The following TRHDE variants were observed in gnomAD, a reference collection of about 807,000 sequenced individuals.
The protein encoded by TRHDE is thyrotropin releasing hormone degrading enzyme, also known as thyrotropin-releasing hormone-degrading ectoenzyme.
A neutral mutation model predicts 125.7 loss-of-function variants in TRHDE; 72 were observed. The observed-to-expected ratio is 0.57, with a 90% CI of 0.47 to 0.70. The LOEUF (loss-of-function observed/expected upper bound fraction) is 0.70. TRHDE is among the 30% of genes least tolerant of loss of function. The probability of loss-of-function intolerance (pLI) is 0.00; values close to 1 mark genes in which losing one functional copy is unlikely to be tolerated. For synonymous variants in TRHDE, 509 were observed against 509.1 expected (o/e 1.00, Z 0.00); for missense variants, 1,110 against 1,327.1 (o/e 0.84, Z 2.54).
chr12:72,407,728 A>G (rs1873326650), intron 3 of TRHDE, among the ~76,000 whole-genome samples: 1 of 152,212 alleles, frequency 6.6e-6, no homozygotes. Context: ...AAACTTGAAT[A>G]AAAGTGGAAT....
At chr12:72,280,984 T>C (rs985929472) in intron 1 of TRHDE, among the ~76,000 whole-genome samples, 2 of 152,220 alleles carry the variant, frequency 1.3e-5, no homozygotes, top group Admixed American at 1.3e-4. Flanking sequence ...AAAGTCATTT[T>C]AATGCATTCA....
chr12:72,618,217 A>T (rs1449535897), intron 12 of TRHDE, among the ~76,000 whole-genome samples: 3 of 152,136 alleles, frequency 2.0e-5, no homozygotes, highest in African/African-American at 7.2e-5. Flanking sequence ...TAAAAGGTAC[A>T]ATTTAGTATT....
chr12:72,238,304 A>ACATATATACATATATATATACACAT (rs1184268541), intron 2 of TRHDE, among the ~76,000 whole-genome samples: 4 of 36,180 alleles, frequency 1.1e-4, no homozygotes, highest in African/African-American at 3.8e-4. Context: ...ATATATATAT[A>ACATATATACATATATATATACACAT]TATATATATA....
intron 3 of TRHDE, among the ~76,000 whole-genome samples, chr12:72,423,772 C>T (rs376173469): frequency 7.3e-4 from 111 of 151,760 alleles, no homozygotes; most frequent in African/African-American, 2.3e-3. Context: ...AGGTGTGTTG[C>T]GTGTAATCGG....
At chr12:72,290,506 A>G (rs1880045645) in intron 2 of TRHDE, among the ~76,000 whole-genome samples, 1 of 152,136 alleles carries the variant, frequency 6.6e-6, no homozygotes. Context: ...CAGCCATTTT[A>G]TTATGTTCAA....
chr12:72,380,176 A>C (rs1276707776), intron 3 of TRHDE, among the ~76,000 whole-genome samples: 1 of 152,144 alleles, frequency 6.6e-6, no homozygotes, highest in African/African-American at 2.4e-5. Flanking sequence ...CCCTTTCTAC[A>C]TGCCCTAATT....
chr12:72,597,748 T>C lies in TRHDE; in HGVS notation c.2322-21143T>C, dbSNP rs1453373561. Among the ~76,000 whole-genome samples the C allele has an allele frequency of 9.7e-3, 91 of 9,358 alleles. 2 individuals are homozygous for C. The highest frequency in any genetic ancestry group is 0.026 in the Admixed American group (13 of 496). 6.1% of individuals were successfully genotyped at this position (9,358 alleles called of 152,430 possible). A position where few individuals can be genotyped will look rare whatever the true frequency, so the allele number is the denominator to read the frequency against. ...ATATATATATATATATATATATATA[T>C]ATATATATATGCATACACACACAAA... On this transcript the variant is annotated intron_variant, in intron 12 of 18. Coordinates refer to ENST00000261180, the MANE Select transcript of TRHDE (RefSeq NM_013381.3).
intron 15 of TRHDE, among the ~76,000 whole-genome samples, chr12:72,628,351 TAGACTAAGAAGGAA>T (rs778807573): frequency 1.2e-4 from 18 of 151,320 alleles, no homozygotes; most frequent in Non-Finnish European, 2.1e-4. Context: ...GCACATTCTT[TAGACTAAGAAGGAA>T]AGGAGGTGTT....
chr12:72,246,804 A>G lies in TRHDE; in HGVS notation n.280-131191A>G, dbSNP rs78013861. ...TCCAACAAATTGTTCCTATAAGCAC[A>G]GAAGAGTGAACTTGCAAATAATGAT... On this transcript the variant is annotated intron_variant and non_coding_transcript_variant, in intron 2 of 4. Coordinates refer to the TRHDE transcript ENST00000548156. Among the ~76,000 whole-genome samples the G allele has an allele frequency of 3.4e-3, 512 of 152,340 alleles. 20 individuals carry two copies. In the East Asian group the frequency reaches 0.084, roughly 25 times the overall value.
At chr12:72,375,287 A>G (rs1421078600) in intron 2 of TRHDE, among the ~76,000 whole-genome samples, 4 of 152,188 alleles carry the variant, frequency 2.6e-5, no homozygotes, top group Non-Finnish European at 5.9e-5. Flanking sequence ...TTATTGTTCT[A>G]TTTCTATTCC....
intron 12 of TRHDE, among the ~76,000 whole-genome samples, chr12:72,576,884 G>A (rs1391883203): frequency 6.6e-6 from 1 of 152,064 alleles, no homozygotes; most frequent in African/African-American, 2.4e-5. Flanking sequence ...ATGTATTTGT[G>A]TAATAAGAAC....
At chr12:72,354,219 A>G (rs11179167) in intron 2 of TRHDE, among the ~76,000 whole-genome samples, 8,414 of 151,810 alleles carry the variant, frequency 0.055, 463 homozygotes, top group African/African-American at 0.13. Context: ...TAAAAAATCT[A>G]AAATACACAC....
chr12:72,347,132 C>T (rs1302400659), intron 2 of TRHDE, among the ~76,000 whole-genome samples: 1 of 152,044 alleles, frequency 6.6e-6, no homozygotes, highest in African/African-American at 2.4e-5. Flanking sequence ...CCAAATGTGG[C>T]ATATTTCTAA....
At position 72,530,235 on chromosome 12, in the gene TRHDE, CTT is replaced by C. The variant is rs556968340; in HGVS notation, c.1723-12053_1723-12052del. Among the ~76,000 whole-genome samples, 14 of 152,024 alleles carry C rather than the reference CTT, an allele frequency of 9.2e-5. 1 individual carries two copies. The East Asian group carries it at 2.5e-3, about 27-fold the overall frequency. ...AGCCTGATTTCTCTCTTCTCTTTTTCTTTTAAAATCCCCCAATTAAGCTTTCA... is the reference window on the plus strand; with the variant it reads ...AGCCTGATTTCTCTCTTCTCTTTTTCTTAAAATCCCCCAATTAAGCTTTCA... On this transcript the variant is annotated intron_variant, in intron 6 of 18. Transcript: ENST00000261180.
chr12:72,574,796 A>G lies in TRHDE; in HGVS notation c.2132-459A>G, dbSNP rs954353062. Among the ~76,000 whole-genome samples the G allele has an allele frequency of 3.3e-5, 5 of 152,118 alleles. No individual in the cohort carries two copies. The South Asian group carries it at 8.3e-4, about 25-fold the overall frequency. ...TTATTAGTTCTCTCAAGAAAGCACA[A>G]GAAAAAGGCAAACAACAGTGACTTT... On this transcript the variant is annotated intron_variant, in intron 10 of 18. Transcript: ENST00000261180.
intron 3 of TRHDE, among the ~76,000 whole-genome samples, chr12:72,402,591 G>A (rs1873088774): frequency 6.6e-6 from 1 of 152,104 alleles, no homozygotes; most frequent in South Asian, 2.1e-4. Context: ...TTGAATCAGG[G>A]CCCACCCTAA....
At chr12:72,340,064 C>A (rs1424189127) in intron 2 of TRHDE, among the ~76,000 whole-genome samples, 1 of 152,172 alleles carries the variant, frequency 6.6e-6, no homozygotes, top group Non-Finnish European at 1.5e-5. Flanking sequence ...TGCCTCTGCC[C>A]AGTCCTACCT....
intron 2 of TRHDE, among the ~76,000 whole-genome samples, chr12:72,267,292 G>A (rs112303521): frequency 1.5e-4 from 23 of 152,102 alleles, no homozygotes; most frequent in African/African-American, 4.3e-4. Flanking sequence ...TAGAGTGAAC[G>A]CTAAAAAGTT....
chr12:72,325,310 C>A (rs1015839652), intron 2 of TRHDE, among the ~76,000 whole-genome samples: 1 of 152,086 alleles, frequency 6.6e-6, no homozygotes, highest in Non-Finnish European at 1.5e-5. Flanking sequence ...TCTTTTAACA[C>A]TGCCCACTAA....
Sources: gnomAD v4.1 joint callset for allele counts (sites outside exome capture counted in the v4.1 genomes callset) on GRCh38, gnomAD v4.1.1 for gene constraint, MANE v1.5 for transcripts, NCBI Gene and HGNC (gene_info 2026-07-23, HGNC 2026-07-21) for gene names.